Variants in FANCL observed in about 807,000 individuals in gnomAD.
The protein encoded by FANCL is E3 ubiquitin-protein ligase FANCL.
FANCL carries 69 observed loss-of-function variants against 59.4 expected under a neutral mutation model. That is an observed-to-expected ratio of 1.16 (90% CI 0.96 to 1.42). The LOEUF (loss-of-function observed/expected upper bound fraction) is 1.42. Among genes scored for constraint, FANCL ranks in the 40% most tolerant of loss-of-function variants. The pLI is 0.00. For synonymous variants in FANCL, 180 were observed against 147.1 expected (o/e 1.22, Z -1.62); for missense variants, 519 against 447.2 (o/e 1.16, Z -1.45).
chr2:58,182,731 T>G (rs1688049641), intron 7 of FANCL, among the ~76,000 whole-genome samples: 1 of 151,758 alleles, frequency 6.6e-6, no homozygotes, highest in African/African-American at 2.4e-5. Context: ...AAATATTACA[T>G]AAATGAATGA....
intron 6 of FANCL, among the ~76,000 whole-genome samples, chr2:58,199,246 G>C (rs539756742): frequency 1.1e-4 from 17 of 152,198 alleles, no homozygotes; most frequent in African/African-American, 3.9e-4. Context: ...TGTGTCAGCT[G>C]CTGAAGTTAT....
Position 58,175,005 on chromosome 2 carries a change from C to G in FANCL, c.541-9131G>C, listed in dbSNP as rs572552754. ...CTACCATCAGAGAATACTATAAACA[C>G]CTCTATGCAAATAAACTAGAAAATC... On this transcript the variant is annotated intron_variant, in intron 7 of 13. Transcript: ENST00000233741. Among the ~76,000 whole-genome samples the G allele has an allele frequency of 4.6e-5, 7 of 152,176 alleles. 1 individual carries two copies. The South Asian group carries it at 1.2e-3, about 27-fold the overall frequency.
intron 7 of FANCL, among the ~76,000 whole-genome samples, chr2:58,183,208 A>G (rs567983578): frequency 6.8e-6 from 1 of 147,600 alleles, no homozygotes; most frequent in Non-Finnish European, 1.5e-5. Context: ...CAGATAATAG[A>G]AAAAAATGAA....
intron 7 of FANCL, among the ~76,000 whole-genome samples, chr2:58,178,449 C>G (rs571567400): frequency 3.3e-5 from 5 of 152,064 alleles, no homozygotes; most frequent in African/African-American, 1.2e-4. Flanking sequence ...ATAAACGTAA[C>G]CCATCACACA....
At chr2:58,217,612 A>G (rs568594177) in intron 5 of FANCL, among the ~76,000 whole-genome samples, 1 of 152,110 alleles carries the variant, frequency 6.6e-6, no homozygotes, top group East Asian at 1.9e-4. Flanking sequence ...AACATGTCCT[A>G]ATAACAAAAG....
chr2:58,204,385 G>C (rs901795203), intron 5 of FANCL, among the ~76,000 whole-genome samples, 159 bp from the exon 6 acceptor site: 2 of 152,062 alleles, frequency 1.3e-5, no homozygotes, highest in Admixed American at 6.6e-5. Flanking sequence ...TGCTGCTATA[G>C]ATTTACTGCC....
In FANCL at chr2:58,162,902, T is replaced by G. The variant is rs1446960818; in HGVS notation, c.867A>C (p.Glu289Asp). The G allele has an allele frequency of 2.5e-6, 4 of 1,612,906 alleles. No homozygotes were observed. The stretch of plus-strand genomic sequence containing the variant: ...GGATAGCACGAGCTGGAAAATCAAT[T>G]TCTAAAACATCTTTCAAATTTTGTA... ...SVLQNLKDVL[E>D]IDFPARAILE... Residue 289 changes from glutamate to aspartate, a missense_variant, in exon 11 of 14, where the codon GAA becomes GAC. Coordinates refer to ENST00000233741, the MANE Select transcript of FANCL (RefSeq NM_018062.4).
chr2:58,170,625 C>A (rs1558747545), intron 7 of FANCL, among the ~76,000 whole-genome samples: 1 of 151,342 alleles, frequency 6.6e-6, no homozygotes, highest in Admixed American at 6.6e-5. Flanking sequence ...GGAGATCCAT[C>A]TCACGTGCAA....
At chr2:58,228,755 G>A (rs1350544754) in intron 3 of FANCL, among the ~76,000 whole-genome samples, 1 of 152,096 alleles carries the variant, frequency 6.6e-6, no homozygotes, top group Non-Finnish European at 1.5e-5. Context: ...CTTTAACACT[G>A]GGTTCTACCT....
intron 3 of FANCL, among the ~76,000 whole-genome samples, 178 bp from the exon 4 acceptor site, chr2:58,226,962 GA>G (rs1236621607): frequency 6.6e-6 from 1 of 152,150 alleles, no homozygotes; most frequent in African/African-American, 2.4e-5. Context: ...ATTTCATTTT[GA>G]AACAGTAATT....
intron 7 of FANCL, among the ~76,000 whole-genome samples, chr2:58,186,354 T>C (rs1357045483): frequency 6.6e-6 from 1 of 152,154 alleles, no homozygotes; most frequent in Non-Finnish European, 1.5e-5. Context: ...ATCTGTAGCA[T>C]ACAACAATGA....
intron 1 of FANCL, among the ~76,000 whole-genome samples, chr2:58,237,993 T>C (rs1694177779): frequency 6.6e-6 from 1 of 152,202 alleles, no homozygotes; most frequent in South Asian, 2.1e-4. Flanking sequence ...AACTAAGGCC[T>C]CCTGTTAAGA....
intron 5 of FANCL, among the ~76,000 whole-genome samples, chr2:58,215,667 G>A (rs966563108): frequency 9.9e-5 from 15 of 151,152 alleles, no homozygotes; most frequent in African/African-American, 3.2e-4. Context: ...AGAAGGATCT[G>A]GGCAAAGAGC....
At chr2:58,165,661 AT>A (rs1300566225) in intron 8 of FANCL, 62 bp downstream of exon 8, 6 of 1,585,472 alleles carry the variant, frequency 3.8e-6, no homozygotes, top group Non-Finnish European at 5.2e-6. Flanking sequence ...TCATTGTTAG[AT>A]TTATTTTCAT....
intron 1 of FANCL, among the ~76,000 whole-genome samples, chr2:58,234,547 A>T (rs562291272): frequency 4.9e-4 from 75 of 151,886 alleles, no homozygotes; most frequent in African/African-American, 1.7e-3. Flanking sequence ...ATAATTGGAG[A>T]TCTTGGAAAG....
chr2:58,217,549 G>A (rs941062291), intron 5 of FANCL, among the ~76,000 whole-genome samples: 1 of 151,884 alleles, frequency 6.6e-6, no homozygotes, highest in African/African-American at 2.4e-5. Flanking sequence ...ATTAGCTTGT[G>A]TAGTTATAAC....
chr2:58,216,677 A>C lies in FANCL; in HGVS notation c.374+5265T>G, dbSNP rs568722984. Among the ~76,000 whole-genome samples the C allele has an allele frequency of 2.0e-5, 3 of 152,310 alleles. No individual in the cohort carries two copies. The South Asian group carries it at 6.2e-4, about 32-fold the overall frequency. On this transcript the variant is annotated intron_variant, in intron 5 of 13. Transcript: ENST00000233741. ...AAAGTATTAGGGATGCCAAAATATA[A>C]GATCATATGACAATAAACCATACAC...
At chr2:58,166,310 T>C (rs1004797170) in intron 7 of FANCL, among the ~76,000 whole-genome samples, 10 of 152,190 alleles carry the variant, frequency 6.6e-5, no homozygotes, top group Admixed American at 6.5e-4. Context: ...GCAGTGCTAT[T>C]TGTAATTTAG....
intron 5 of FANCL, chr2:58,213,525 T>A (rs1573737153): frequency 6.6e-6 from 1 of 152,190 alleles, no homozygotes; most frequent in East Asian, 1.9e-4. Context: ...CATTCTTTAT[T>A]TTTAAACAGT....
Sources: allele counts gnomAD v4.1 joint callset (sites outside exome capture counted in the v4.1 genomes callset), GRCh38; gene constraint gnomAD v4.1.1; transcripts MANE v1.5; gene names NCBI Gene and HGNC (gene_info 2026-07-23, HGNC 2026-07-21).